The following PDE10A variants were observed in gnomAD, a reference collection of about 807,000 sequenced individuals.
PDE10A encodes phosphodiesterase 10A.
PDE10A carries 39 observed loss-of-function variants against 97.7 expected under a neutral mutation model. That is an observed-to-expected ratio of 0.40 (90% CI 0.31 to 0.52). PDE10A has a LOEUF of 0.52. PDE10A is among the 20% of genes least tolerant of loss of function. PDE10A has a pLI of 0.56. For missense variants in PDE10A, 731 were observed against 1,047.8 expected (o/e 0.70, Z 4.17); for synonymous variants, 371 against 376.8 (o/e 0.98, Z 0.18).
chr6:165,823,039 A>G (rs1779618096), intron 1 of PDE10A, among the ~76,000 whole-genome samples: 1 of 151,688 alleles, frequency 6.6e-6, no homozygotes, highest in Non-Finnish European at 1.5e-5. Context: ...TCACCGTGTT[A>G]GCCAGGATGG....
At chr6:165,635,233 T>C (rs941294044) in intron 1 of PDE10A, among the ~76,000 whole-genome samples, 7 of 152,120 alleles carry the variant, frequency 4.6e-5, no homozygotes, top group Non-Finnish European at 4.4e-5. Flanking sequence ...ATCAGGCAAG[T>C]ATGATCCCAA....
At chr6:165,466,537 A>C (rs547129778) in intron 3 of PDE10A, among the ~76,000 whole-genome samples, 97 of 152,372 alleles carry the variant, frequency 6.4e-4, no homozygotes, top group Non-Finnish European at 9.6e-4. Context: ...GCAACCCTGC[A>C]TCAAAAAATT....
At chr6:165,450,647 A>G (rs981448017) in intron 3 of PDE10A, among the ~76,000 whole-genome samples, 2 of 151,884 alleles carry the variant, frequency 1.3e-5, no homozygotes, top group Non-Finnish European at 2.9e-5. Flanking sequence ...TGCAACCTCC[A>G]CCTCCTGGGC....
chr6:165,520,380 T>G (rs879400800), intron 2 of PDE10A, among the ~76,000 whole-genome samples: 1 of 152,152 alleles, frequency 6.6e-6, no homozygotes. Flanking sequence ...TTATAAACCA[T>G]AGAGAACGCT....
At chr6:165,488,805 C>A (rs1583392020) in intron 2 of PDE10A, among the ~76,000 whole-genome samples, 1 of 152,100 alleles carries the variant, frequency 6.6e-6, no homozygotes, top group Admixed American at 6.5e-5. Flanking sequence ...CCTGTGGCTG[C>A]CGGCTTTACC....
At chr6:165,443,233 A>T in intron 5 of PDE10A, among the ~76,000 whole-genome samples, 1 of 152,180 alleles carries the variant, frequency 6.6e-6, no homozygotes, top group East Asian at 1.9e-4. Context: ...GGGTACAGGC[A>T]TTGGGTAAAT....
At chr6:165,523,316 A>T (rs1312878641) in intron 2 of PDE10A, among the ~76,000 whole-genome samples, 1 of 152,162 alleles carries the variant, frequency 6.6e-6, no homozygotes, top group East Asian at 1.9e-4. Context: ...TGCCAAAACA[A>T]TCCTAAGCAA....
At chr6:165,950,730 A>C (rs1436794787) in intron 1 of PDE10A, among the ~76,000 whole-genome samples, 1 of 140,108 alleles carries the variant, frequency 7.1e-6, no homozygotes, top group Non-Finnish European at 1.5e-5. Flanking sequence ...AGCCGTCTTC[A>C]GCTGAGCCTT....
intron 13 of PDE10A, among the ~76,000 whole-genome samples, chr6:165,399,139 T>C (rs974663971): frequency 2.0e-5 from 3 of 152,142 alleles, no homozygotes; most frequent in Non-Finnish European, 4.4e-5. Context: ...ACCCTAAGTA[T>C]TACACTACCT....
chr6:165,691,587 GCGCGCA>G (rs753758299), intron 1 of PDE10A, among the ~76,000 whole-genome samples: 200 of 46,678 alleles, frequency 4.3e-3, no homozygotes, highest in Non-Finnish European at 0.012. Context: ...GCATGCACGC[GCGCGCA>G]CACACACACA....
chr6:165,573,722 C>A (rs941642397), intron 1 of PDE10A, among the ~76,000 whole-genome samples: 1 of 152,204 alleles, frequency 6.6e-6, no homozygotes, highest in Admixed American at 6.5e-5. Context: ...TAATACCAAA[C>A]CATTTAAACA....
At chr6:165,853,537 T>C (rs2128475206) in intron 1 of PDE10A, among the ~76,000 whole-genome samples, 1 of 152,340 alleles carries the variant, frequency 6.6e-6, no homozygotes, top group Admixed American at 6.5e-5. Context: ...ATTTTGTATA[T>C]TATAGTGAGT....
At chr6:165,513,246 T>G (rs1328911606) in intron 2 of PDE10A, among the ~76,000 whole-genome samples, 1 of 152,070 alleles carries the variant, frequency 6.6e-6, no homozygotes, top group African/African-American at 2.4e-5. Context: ...ACAGTCTTTA[T>G]AGTTATTGTT....
intron 1 of PDE10A, among the ~76,000 whole-genome samples, chr6:165,855,887 T>C (rs1780719630): frequency 6.6e-6 from 1 of 152,202 alleles, no homozygotes; most frequent in Non-Finnish European, 1.5e-5. Flanking sequence ...CCCCGCTTTC[T>C]TTCTTTCTGC....
chr6:165,656,450 G>A (rs749431858), intron 1 of PDE10A, among the ~76,000 whole-genome samples: 27 of 151,398 alleles, frequency 1.8e-4, no homozygotes, highest in African/African-American at 2.7e-4. Flanking sequence ...ACCTCTTCTC[G>A]TGTGCCGAGG....
chr6:165,452,519 A>G (rs1397969588), intron 3 of PDE10A, among the ~76,000 whole-genome samples: 1 of 152,132 alleles, frequency 6.6e-6, no homozygotes, highest in East Asian at 1.9e-4. Flanking sequence ...GATAAAAGAT[A>G]TCTTTGGTCC....
Position 165,581,704 on chromosome 6 carries a change from C to A in PDE10A, c.866-38136G>T, listed in dbSNP as rs191347047. Among the ~76,000 whole-genome samples the A allele has an allele frequency of 1.2e-4, 19 of 152,350 alleles. No individual in the cohort carries two copies. In the East Asian group the frequency reaches 3.1e-3, roughly 25 times the overall value. ...TCATCATGTGTTTCTGAGGCCTTTA[C>A]AATTTGAGAATTTTGCTTTGATTAT... On this transcript the variant is annotated intron_variant, in intron 1 of 21. Transcript: ENST00000539869.
At chr6:165,794,430 ACACT>A (rs1393747009) in intron 1 of PDE10A, among the ~76,000 whole-genome samples, 1 of 151,710 alleles carries the variant, frequency 6.6e-6, no homozygotes, top group Non-Finnish European at 1.5e-5. Flanking sequence ...ACTCACTCAC[ACACT>A]CACTTGTACT....
intron 1 of PDE10A, among the ~76,000 whole-genome samples, chr6:165,741,569 G>A (rs756079173): frequency 6.6e-4 from 101 of 152,156 alleles, no homozygotes; most frequent in African/African-American, 2.1e-3. Flanking sequence ...GAGCATACCC[G>A]TCTGTCCAAC....
Sources: gnomAD v4.1 joint callset for allele counts (sites outside exome capture counted in the v4.1 genomes callset) on GRCh38, gnomAD v4.1.1 for gene constraint, MANE v1.5 for transcripts, NCBI Gene and HGNC (gene_info 2026-07-23, HGNC 2026-07-21) for gene names.